The following TBKBP1 variants were observed in gnomAD, a reference collection of about 807,000 sequenced individuals.
TBKBP1 encodes the protein TBK1 binding protein 1.
TBKBP1 carries 47 observed loss-of-function variants against 69.9 expected under a neutral mutation model. The observed-to-expected ratio is 0.67, with a 90% CI of 0.53 to 0.86. The LOEUF (loss-of-function observed/expected upper bound fraction) is 0.86, where lower values mean the gene tolerates loss of function less well. Ranked by LOEUF, TBKBP1 falls within the 40% of genes least tolerant of loss-of-function variation. The probability of loss-of-function intolerance (pLI) is 0.00; values close to 1 mark genes in which losing one functional copy is unlikely to be tolerated. For missense variants in TBKBP1, 831 were observed against 858.6 expected, an observed-to-expected ratio of 0.97 and a Z score of 0.40; for synonymous variants, 418 against 390.3, an observed-to-expected ratio of 1.07 and a Z score of -0.84.
At chr17:47,702,430 G>T (rs1023138114) in intron 7 of TBKBP1, among the ~76,000 whole-genome samples, 2 of 152,120 alleles carry the variant, frequency 1.3e-5, no homozygotes, top group African/African-American at 4.8e-5. Context: ...CTGTATGTAT[G>T]TATGCCCACC....
rs754578051 is a variant in TBKBP1, at chr17:47,696,384, G to T, written c.225+47G>T. 5.1e-6 allele frequency: 8 copies of T among 1,583,168 alleles called. No homozygotes were observed. The Admixed American group carries it at 1.0e-4, about 20-fold the overall frequency. On this transcript the variant is annotated intron_variant, in intron 2 of 9. Transcript: ENST00000578982. ...CGCCTGATAGAGTGTATGGGATGGG[G>T]AGGGGGACTGGGAATCTGGTAGATA...
chr17:47,704,190 T>C (rs929608368), intron 7 of TBKBP1, among the ~76,000 whole-genome samples: 4 of 152,186 alleles, frequency 2.6e-5, no homozygotes, highest in African/African-American at 9.7e-5. Flanking sequence ...ATCAGCTGCA[T>C]CTGGGAAGCT....
At chr17:47,695,942 A>G (rs1306855453) in intron 1 of TBKBP1, 137 bp from the exon 2 acceptor site, 5 of 590,930 alleles carry the variant, frequency 8.5e-6, no homozygotes, top group East Asian at 5.6e-5. Context: ...GGGCCATGGG[A>G]GTCCCTGCTG....
chr17:47,700,902 C>T (rs545389090), intron 7 of TBKBP1, among the ~76,000 whole-genome samples: 19 of 152,250 alleles, frequency 1.2e-4, no homozygotes, highest in South Asian at 6.2e-4. Context: ...CTTTCACATC[C>T]GCACTGAACT....
rs1279199624 is a variant in TBKBP1 at position 47,708,853 on chromosome 17, G to A, written c.1120G>A (p.Val374Met). 3.3e-6 allele frequency: 4 copies of A among 1,204,928 alleles called. No homozygotes were observed. Among genetic ancestry groups the A allele is most frequent in the Non-Finnish European group, 4.4e-6 (4 of 914,300 alleles). The allele number at this position is 1,204,928 out of a possible 1,614,324, so 74.6% of individuals were successfully genotyped here. Residue 374 changes from valine to methionine, a missense_variant, in exon 9 of 10, where the codon GTG (valine) becomes ATG (methionine). By Grantham distance (21) the Val-to-Met change is conservative (BLOSUM62 1). Coordinates refer to ENST00000578982, the MANE Select transcript of TBKBP1 (RefSeq NM_001394755.1). This position sits in a 1 kb window ranked among gnomAD's most constrained non-coding sequence, Gnocchi z 4.4. ...CCCCGTCCCCCAGCGCCGCTCTCCC[G>A]TGCCCCCGTGCCCCTCGCCGCAGCA... ...QSPVPQRRSP[V>M]PPCPSPQQRR...
chr17:47,703,466 C>T (rs980112382), intron 7 of TBKBP1, among the ~76,000 whole-genome samples: 5 of 152,194 alleles, frequency 3.3e-5, no homozygotes, highest in South Asian at 2.1e-4. Context: ...CCAGGGCACC[C>T]GCGCTGCACT....
rs1204812706 is a variant in TBKBP1, at chr17:47,696,310, A to T, written c.198A>T (p.Arg66=). 3 of 1,613,140 alleles carry T rather than the reference A, an allele frequency of 1.9e-6. No homozygotes were observed. The highest frequency in any genetic ancestry group is 2.2e-5 in the East Asian group (1 of 44,882). ...GGLERENATL[R]RRLKVYEIKY... Reference sequence around the variant, plus strand: ...TGGAGAGGGAGAACGCCACCCTCCGACGCCGCCTCAAAGTCTACGAGATCA... The same window carrying T: ...TGGAGAGGGAGAACGCCACCCTCCGTCGCCGCCTCAAAGTCTACGAGATCA... The change falls in exon 2 of 10, where the codon CGA becomes CGT. Residue 66 remains arginine (R), a synonymous_variant. Coordinates refer to ENST00000578982, the MANE Select transcript of TBKBP1 (RefSeq NM_001394755.1).
Position 47,699,485 on chromosome 17 carries a change from C to G in TBKBP1, c.800C>G (p.Thr267Ser). 6.3e-7 allele frequency: 1 copy of G among 1,580,302 alleles called. No individual in the cohort carries two copies. Residue 267 changes from threonine to serine, a missense_variant, in exon 6 of 10, where the codon ACC becomes AGC. By Grantham distance (58) the Thr-to-Ser change is moderately conservative. Coordinates refer to ENST00000578982, the MANE Select transcript of TBKBP1 (RefSeq NM_001394755.1). ...LQGELKQLQE[T>S]RAQDLASNQS... The stretch of plus-strand genomic sequence containing the variant: ...GGGGAGCTGAAGCAGCTGCAGGAGA[C>G]CCGGGCCCAGGTAAATGCAGGGGCC...
In TBKBP1 at chr17:47,709,545, C is replaced by A. The variant is rs1021868911; in HGVS notation, c.1719+93C>A. The stretch of plus-strand genomic sequence containing the variant: ...CCTCCGTTGAGGGCCTTGCCCCTTT[C>A]GGGTGTCAGCGCACAAACTATTCAC... On this transcript the variant is annotated intron_variant, in intron 9 of 9. Coordinates refer to ENST00000578982, the MANE Select transcript of TBKBP1 (RefSeq NM_001394755.1). 4.2e-5 allele frequency: 59 copies of A among 1,388,420 alleles called. 1 individual carries two copies. In the Middle Eastern group the frequency reaches 1.1e-3, roughly 25 times the overall value. The allele number at this position is 1,388,420 out of a possible 1,614,324, so 86.0% of individuals were successfully genotyped here. A position where few individuals can be genotyped will look rare whatever the true frequency, so the allele number is the denominator to read the frequency against.
intron 6 of TBKBP1, 34 bp downstream of exon 6, chr17:47,699,529 T>C: frequency 1.2e-6 from 2 of 1,604,334 alleles, no homozygotes; most frequent in South Asian, 1.1e-5. Context: ...CTTCTGGAGG[T>C]CCAGGGCTGG....
intron 2 of TBKBP1, 77 bp downstream of exon 2, chr17:47,696,414 G>T (rs1272846184): frequency 2.0e-6 from 3 of 1,495,660 alleles, no homozygotes; most frequent in African/African-American, 2.8e-5. Context: ...TAGATACCAG[G>T]GATCCAAAAG....
intron 7 of TBKBP1, among the ~76,000 whole-genome samples, chr17:47,706,370 G>C (rs1192544145): frequency 2.6e-5 from 4 of 152,128 alleles, no homozygotes; most frequent in African/African-American, 7.2e-5. Context: ...TCCCCAATTT[G>C]ACGTGGGACA....
In TBKBP1 at chr17:47,708,886, T is replaced by C. The variant is rs1390209299; in HGVS notation, c.1153T>C (p.Ser385Pro). The C allele has an allele frequency of 2.2e-6, 3 of 1,390,572 alleles. No individual in the cohort carries two copies. The highest frequency in any genetic ancestry group is 3.0e-5 in the Admixed American group (1 of 33,574). The allele number at this position is 1,390,572 out of a possible 1,614,324, so 86.1% of individuals were successfully genotyped here. A position where few individuals can be genotyped will look rare whatever the true frequency, so the allele number is the denominator to read the frequency against. Residue 385 changes from serine to proline, a missense_variant, in exon 9 of 10, where the codon TCT (serine) becomes CCT (proline). Coordinates refer to ENST00000578982, the MANE Select transcript of TBKBP1 (RefSeq NM_001394755.1). The surrounding 1 kb of genome is among the most constrained non-coding windows in gnomAD (Gnocchi z 4.4). ...PPCPSPQQRR[S>P]PASPSCPSPV... ...GTGCCCCTCGCCGCAGCAGCGCCGC[T>C]CTCCGGCCTCACCCTCCTGCCCGTC...
rs1318086486 is a variant in TBKBP1 at position 47,700,285 on chromosome 17, G to C, written c.872+588G>C. On this transcript the variant is annotated intron_variant, in intron 7 of 9. Coordinates refer to ENST00000578982, the MANE Select transcript of TBKBP1 (RefSeq NM_001394755.1). ...ATTATAGGAGTGAGCCACTGCGCCC[G>C]GACCTTTTTTTTTTTTTTTTTTTTT... is the stretch of plus-strand genomic sequence containing the variant. Among the ~76,000 whole-genome samples the C allele has an allele frequency of 3.4e-5, 2 of 58,680 alleles. 1 individual carries two copies. Among genetic ancestry groups the C allele is most frequent in the South Asian group, 1.1e-3 (2 of 1,870 alleles). 38.5% of individuals were successfully genotyped at this position (58,680 alleles called of 152,430 possible).
In TBKBP1 at chr17:47,699,674, G is replaced by T. The variant is rs747520075; in HGVS notation, c.849G>T (p.Trp283Cys). 7 of 1,613,926 alleles carry T rather than the reference G, an allele frequency of 4.3e-6. No homozygotes were observed. The highest frequency in any genetic ancestry group is 5.9e-6 in the Non-Finnish European group (7 of 1,179,884). ...ASNQSERDMA[W>C]VKRVGDDQVN... The stretch of plus-strand genomic sequence containing the variant: ...ACCAGTCGGAGCGAGACATGGCGTG[G>T]GTGAAAAGAGTTGGGGATGATCAGT... Residue 283 changes from tryptophan to cysteine, a missense_variant, in exon 7 of 10, where the codon TGG becomes TGT. By Grantham distance (215) the Trp-to-Cys change is radical (BLOSUM62 -2). Transcript: ENST00000578982.
intron 1 of TBKBP1, among the ~76,000 whole-genome samples, chr17:47,694,965 C>T (rs2031160939): frequency 6.6e-6 from 1 of 152,046 alleles, no homozygotes; most frequent in Non-Finnish European, 1.5e-5. Context: ...ACCTGGGGGC[C>T]CCGCTGTCTG....
chr17:47,699,826 T>TC, intron 7 of TBKBP1, 129 bp downstream of exon 7: 1 of 584,200 alleles, frequency 1.7e-6, no homozygotes, highest in Non-Finnish European at 2.6e-6. Context: ...GTGGGGTTCT[T>TC]TTTTTTTTTT....
intron 7 of TBKBP1, among the ~76,000 whole-genome samples, chr17:47,706,128 C>T (rs908528450): frequency 6.6e-6 from 1 of 152,090 alleles, no homozygotes; most frequent in Non-Finnish European, 1.5e-5. Flanking sequence ...GTGAAGACGA[C>T]GACCTGTATC....
chr17:47,697,750 C>A (rs1211257276), intron 4 of TBKBP1, among the ~76,000 whole-genome samples: 2 of 151,878 alleles, frequency 1.3e-5, no homozygotes, highest in African/African-American at 4.8e-5. Flanking sequence ...TTGAGACCAG[C>A]CTGGGCAACA....
Sources: gnomAD v4.1 joint callset for allele counts (sites outside exome capture counted in the v4.1 genomes callset) on GRCh38, gnomAD v4.1.1 for gene constraint, Gnocchi (gnomAD v3.1) non-coding constraint, MANE v1.5 for transcripts, NCBI Gene and HGNC (gene_info 2026-07-23, HGNC 2026-07-21) for gene names.